Variants in SLC25A21 observed in about 807,000 individuals in gnomAD.
The protein encoded by SLC25A21 is solute carrier family 25 member 21, also known as mitochondrial 2-oxodicarboxylate carrier.
A neutral mutation model predicts 43.8 loss-of-function variants in SLC25A21; 47 were observed. The ratio of observed to expected loss-of-function variants is 1.07; its 90% CI spans 0.85 to 1.37. The LOEUF is 1.37. Among genes scored for constraint, SLC25A21 ranks in the 40% most tolerant of loss-of-function variants. The pLI is 0.00. For missense variants in SLC25A21, 352 were observed against 350.2 expected, an observed-to-expected ratio of 1.00 and a Z score of -0.04; for synonymous variants, 131 against 121.3, an observed-to-expected ratio of 1.08 and a Z score of -0.52.
rs963265423 is a variant in SLC25A21, at chr14:36,678,958, T to C, written c.*1700A>G. The C allele has an allele frequency of 7.1e-6, 7 of 982,026 alleles. No individual in the cohort carries two copies. The highest frequency in any genetic ancestry group is 1.7e-5 in the African/African-American group (1 of 57,188). The allele number at this position is 982,026 out of a possible 1,614,324, so 60.8% of individuals were successfully genotyped here. On this transcript the variant is annotated 3_prime_UTR_variant, in exon 10 of 10. Coordinates refer to ENST00000331299, the MANE Select transcript of SLC25A21 (RefSeq NM_030631.4). ...TTAAAGGGTTAACTTTTAAAGATTA[T>C]TATTGGTTAATGTTGACATATTTCC...
At chr14:36,828,066 A>C (rs1888899982) in intron 2 of SLC25A21, among the ~76,000 whole-genome samples, 1 of 151,964 alleles carries the variant, frequency 6.6e-6, no homozygotes, top group Non-Finnish European at 1.5e-5. Context: ...ACTCACATAA[A>C]GGGGGAGGTG....
intron 2 of SLC25A21, among the ~76,000 whole-genome samples, chr14:36,867,223 C>T (rs929365421): frequency 1.3e-5 from 2 of 152,176 alleles, no homozygotes; most frequent in African/African-American, 4.8e-5. Flanking sequence ...TGTAATCTTT[C>T]GCCCACCATC....
chr14:37,087,647 G>A (rs1962510287), intron 1 of SLC25A21, among the ~76,000 whole-genome samples: 1 of 151,968 alleles, frequency 6.6e-6, no homozygotes, highest in Non-Finnish European at 1.5e-5. Flanking sequence ...TGTGACGAAC[G>A]CATCTACTCA....
At chr14:36,912,553 T>C (rs1891717989) in intron 1 of SLC25A21, among the ~76,000 whole-genome samples, 1 of 152,222 alleles carries the variant, frequency 6.6e-6, no homozygotes, top group Non-Finnish European at 1.5e-5. Flanking sequence ...ATTGGAAAGG[T>C]ATCCAAAAGT....
chr14:37,144,530 G>A (rs996865313), intron 1 of SLC25A21, among the ~76,000 whole-genome samples: 5 of 152,172 alleles, frequency 3.3e-5, no homozygotes, highest in African/African-American at 1.2e-4. Context: ...CAGAAGCAAA[G>A]TAATGACTCC....
At chr14:37,026,741 C>CT (rs1433496240) in intron 1 of SLC25A21, among the ~76,000 whole-genome samples, 7 of 152,178 alleles carry the variant, frequency 4.6e-5, no homozygotes, top group Admixed American at 3.9e-4. Flanking sequence ...GACCATGAAA[C>CT]TTTTATTCAA....
At chr14:37,118,597 A>G (rs1165565511) in intron 1 of SLC25A21, among the ~76,000 whole-genome samples, 1 of 152,200 alleles carries the variant, frequency 6.6e-6, no homozygotes, top group Non-Finnish European at 1.5e-5. Flanking sequence ...TATTATTGAT[A>G]ATAGTCCAAC....
intron 1 of SLC25A21, among the ~76,000 whole-genome samples, chr14:37,142,406 G>T (rs963077887): frequency 6.6e-6 from 1 of 152,166 alleles, no homozygotes; most frequent in Non-Finnish European, 1.5e-5. Flanking sequence ...TGTTGCCCAG[G>T]CTGGAGTACA....
At chr14:37,102,755 G>A (rs1239842194) in intron 1 of SLC25A21, among the ~76,000 whole-genome samples, 2 of 151,982 alleles carry the variant, frequency 1.3e-5, no homozygotes, top group Non-Finnish European at 2.9e-5. Context: ...GGAGGCTGAC[G>A]CAAGCAGATC....
rs151115491 is a variant in SLC25A21 at position 36,859,245 on chromosome 14, T to C, written c.119+15711A>G. ...AAGATTTCTACATCTTTTAATTAAA[T>C]GAGAGGCCAATCTACTAAGCTAACA... is the stretch of plus-strand genomic sequence containing the variant. On this transcript the variant is annotated intron_variant, in intron 2 of 9. Coordinates refer to ENST00000331299, the MANE Select transcript of SLC25A21 (RefSeq NM_030631.4). Among the ~76,000 whole-genome samples, 1,126 of 152,338 alleles carry C rather than the reference T, an allele frequency of 7.4e-3. 9 individuals are homozygous for C. The highest frequency in any genetic ancestry group is 0.013 in the Non-Finnish European group (881 of 68,030).
chr14:36,912,157 C>A (rs1477249950), intron 1 of SLC25A21, among the ~76,000 whole-genome samples: 3 of 152,276 alleles, frequency 2.0e-5, no homozygotes, highest in Admixed American at 6.5e-5. Context: ...TAGAAAGGAT[C>A]TATTTCATTA....
At chr14:36,814,120 A>C in intron 2 of SLC25A21, 119 bp from the exon 3 acceptor site, 1 of 625,994 alleles carries the variant, frequency 1.6e-6, no homozygotes, top group Non-Finnish European at 2.7e-6. Flanking sequence ...CTGCTTTGGT[A>C]TGGATTTTAT....
Position 36,997,440 on chromosome 14 carries a change from A to G in SLC25A21, c.71-122436T>C, listed in dbSNP as rs140785360. Among the ~76,000 whole-genome samples the G allele has an allele frequency of 3.1e-3, 467 of 152,314 alleles. 1 individual carries two copies. Among genetic ancestry groups the G allele is most frequent in the African/African-American group, 0.01 (419 of 41,568 alleles). ...GAGGGCAGCTGAATGTGGCAATAAA[A>G]TAACTGTTAGTTAAGAATAAATATT... On this transcript the variant is annotated intron_variant, in intron 1 of 9. Transcript: ENST00000331299.
At chr14:37,062,843 A>G (rs551646698) in intron 1 of SLC25A21, among the ~76,000 whole-genome samples, 35 of 152,030 alleles carry the variant, frequency 2.3e-4, no homozygotes, top group Non-Finnish European at 3.8e-4. Context: ...TTAGGCCTTG[A>G]CTCTGGGTAC....
chr14:36,810,968 A>AGAACAGAGT (rs1555329753), intron 3 of SLC25A21, among the ~76,000 whole-genome samples: 1 of 147,866 alleles, frequency 6.8e-6, no homozygotes, highest in Non-Finnish European at 1.5e-5. Flanking sequence ...AGGGTCAGGG[A>AGAACAGAGT]GGGTGAAATA....
chr14:37,037,683 ATCTTAT>A (rs1209898850), intron 1 of SLC25A21, among the ~76,000 whole-genome samples: 2 of 152,066 alleles, frequency 1.3e-5, no homozygotes, highest in East Asian at 3.9e-4. Flanking sequence ...TTTCAGCAGT[ATCTTAT>A]TCTTTACATA....
intron 1 of SLC25A21, among the ~76,000 whole-genome samples, chr14:36,922,227 C>A (rs1470729032): frequency 6.6e-6 from 1 of 151,972 alleles, no homozygotes; most frequent in African/African-American, 2.4e-5. Flanking sequence ...ATTTGCCCTC[C>A]TTCCACCATA....
intron 1 of SLC25A21, among the ~76,000 whole-genome samples, chr14:37,145,616 G>A (rs1204263132): frequency 6.6e-6 from 1 of 152,096 alleles, no homozygotes; most frequent in African/African-American, 2.4e-5. Flanking sequence ...GATTGACTCA[G>A]ATATCCCTGA....
At chr14:37,029,639 T>C (rs1360468351) in intron 1 of SLC25A21, among the ~76,000 whole-genome samples, 1 of 152,076 alleles carries the variant, frequency 6.6e-6, no homozygotes, top group Non-Finnish European at 1.5e-5. Flanking sequence ...TCACTTGTCT[T>C]ACTCTGAAAT....
Sources: gnomAD v4.1 joint callset for allele counts (sites outside exome capture counted in the v4.1 genomes callset) on GRCh38, gnomAD v4.1.1 for gene constraint, MANE v1.5 for transcripts, NCBI Gene and HGNC (gene_info 2026-07-23, HGNC 2026-07-21) for gene names.